Variants in PKHD1 observed in about 807,000 individuals in gnomAD.
The protein encoded by PKHD1 is PKHD1 ciliary IPT domain containing fibrocystin/polyductin, also known as fibrocystin.
PKHD1 carries 291 observed loss-of-function variants against 412.0 expected under a neutral mutation model. That is an observed-to-expected ratio of 0.71 (90% CI 0.64 to 0.78). PKHD1 has a LOEUF of 0.78. Ranked by LOEUF, PKHD1 falls within the 30% of genes least tolerant of loss-of-function variation. PKHD1 has a pLI of 0.00. For synonymous variants in PKHD1, 1,777 were observed against 1,821.5 expected, an observed-to-expected ratio of 0.98 and a Z score of 0.62; for missense variants, 4,825 against 4,950.7, an observed-to-expected ratio of 0.97 and a Z score of 0.76.
At chr6:51,794,819 G>T (rs1794344591) in intron 52 of PKHD1, among the ~76,000 whole-genome samples, 1 of 152,106 alleles carries the variant, frequency 6.6e-6, no homozygotes, top group Non-Finnish European at 1.5e-5. Flanking sequence ...TGTCAAAGAT[G>T]AGATGGTTGT....
chr6:51,902,663 C>G (rs1374903980), intron 43 of PKHD1, among the ~76,000 whole-genome samples: 2 of 152,122 alleles, frequency 1.3e-5, no homozygotes, highest in Non-Finnish European at 2.9e-5. Context: ...TTTCCTGAAA[C>G]AGTGAGGCCC....
intron 61 of PKHD1, among the ~76,000 whole-genome samples, chr6:51,656,291 T>C (rs187375722): frequency 2.8e-4 from 43 of 152,204 alleles, no homozygotes; most frequent in Admixed American, 1.5e-3. Flanking sequence ...AGTTGAATAA[T>C]GACAATACAT....
intron 35 of PKHD1, among the ~76,000 whole-genome samples, chr6:51,978,231 G>C (rs1208717230): frequency 2.0e-5 from 3 of 152,160 alleles, no homozygotes; most frequent in Non-Finnish European, 4.4e-5. Flanking sequence ...AGCCATCTAG[G>C]GGTGAAGGAG....
At chr6:51,958,281 G>A (rs1235347457) in intron 36 of PKHD1, among the ~76,000 whole-genome samples, 2 of 152,082 alleles carry the variant, frequency 1.3e-5, no homozygotes, top group Non-Finnish European at 2.9e-5. Context: ...ACAGGATGAG[G>A]GTTTGCCTTT....
At chr6:52,005,730 C>T (rs1310412700) in intron 35 of PKHD1, among the ~76,000 whole-genome samples, 2 of 152,060 alleles carry the variant, frequency 1.3e-5, no homozygotes, top group Non-Finnish European at 2.9e-5. Flanking sequence ...AAGAGTTCCA[C>T]AGGCAAAGTT....
At chr6:52,058,840 T>G (rs1169426211) in intron 15 of PKHD1, among the ~76,000 whole-genome samples, 1 of 152,096 alleles carries the variant, frequency 6.6e-6, no homozygotes, top group Non-Finnish European at 1.5e-5. Context: ...CAAATGAGAA[T>G]AGATGGGCCA....
intron 43 of PKHD1, among the ~76,000 whole-genome samples, chr6:51,892,226 C>A (rs1229635034): frequency 6.6e-6 from 1 of 152,206 alleles, no homozygotes; most frequent in African/African-American, 2.4e-5. Context: ...CCACAGGGTG[C>A]TCACCAAAAG....
chr6:51,848,903 AT>A lies in PKHD1; in HGVS notation c.7912-934del, dbSNP rs776188796. On this transcript the variant is annotated intron_variant, in intron 49 of 66. Transcript: ENST00000371117. The stretch of plus-strand genomic sequence containing the variant: ...AAATGTACCCACTTTCCTCATGGCC[AT>A]TTTTTTTTTTTTAGTTTTTTTTTTT... Among the ~76,000 whole-genome samples, 780 of 97,948 alleles carry A rather than the reference AT, an allele frequency of 8.0e-3. 4 individuals are homozygous for A. Among genetic ancestry groups the A allele is most frequent in the African/African-American group, 0.024 (604 of 24,916 alleles). The allele number at this position is 97,948 out of a possible 152,430, so 64.3% of individuals were successfully genotyped here.
intron 35 of PKHD1, among the ~76,000 whole-genome samples, chr6:51,982,449 AT>A (rs1795554333): frequency 7.3e-6 from 1 of 137,146 alleles, no homozygotes; most frequent in Admixed American, 7.6e-5. Context: ...GAGACTTTTC[AT>A]TTTGTTCTGT....
Position 51,694,548 on chromosome 6 carries a change from CTTTTTT to C in PKHD1, c.10157-34585_10157-34580del, listed in dbSNP as rs67157925. On this transcript the variant is annotated intron_variant, in intron 60 of 66. Coordinates refer to ENST00000371117, the MANE Select transcript of PKHD1 (RefSeq NM_138694.4). ...ACAGGTGCCCGCCACCACAACCAGC[CTTTTTT>C]TTTTTTTTTTTTTTTTTTTTGGTTG... 8.0e-5 allele frequency among the ~76,000 whole-genome samples: 3 copies of C among 37,690 alleles called. No homozygotes were observed. The South Asian group carries it at 5.1e-3, about 64-fold the overall frequency. 24.7% of individuals were successfully genotyped at this position (37,690 alleles called of 152,430 possible).
intron 53 of PKHD1, among the ~76,000 whole-genome samples, chr6:51,778,471 G>A (rs1042664573): frequency 7.2e-5 from 11 of 152,196 alleles, no homozygotes; most frequent in African/African-American, 2.4e-4. Flanking sequence ...GTTAAATGGC[G>A]AAGTTGGGCC....
At chr6:51,904,100 G>A in intron 41 of PKHD1, 58 bp from the exon 42 acceptor site, 1 of 1,117,326 alleles carries the variant, frequency 8.9e-7, no homozygotes, top group Non-Finnish European at 1.4e-6. Flanking sequence ...GAAAACAAGA[G>A]ATGCTGCAAC....
chr6:51,874,598 G>C (rs1281442552), intron 46 of PKHD1, among the ~76,000 whole-genome samples: 1 of 152,060 alleles, frequency 6.6e-6, no homozygotes, highest in Non-Finnish European at 1.5e-5. Context: ...ATATATGAGT[G>C]GAAAGTCTAA....
intron 35 of PKHD1, among the ~76,000 whole-genome samples, chr6:51,978,448 G>C (rs1450554220): frequency 6.6e-6 from 1 of 152,150 alleles, no homozygotes; most frequent in African/African-American, 2.4e-5. Context: ...GGATGGACTA[G>C]AGGTGAGGAA....
intron 60 of PKHD1, among the ~76,000 whole-genome samples, chr6:51,679,783 C>CA (rs1333398720): frequency 1.3e-5 from 2 of 151,956 alleles, no homozygotes; most frequent in Non-Finnish European, 2.9e-5. Context: ...TATTCAGGAA[C>CA]AAAAAATCTC....
At chr6:51,978,620 G>C (rs1794757846) in intron 35 of PKHD1, among the ~76,000 whole-genome samples, 1 of 152,302 alleles carries the variant, frequency 6.6e-6, no homozygotes, top group African/African-American at 2.4e-5. Flanking sequence ...GAGAAATGCA[G>C]AAAAGAGATG....
chr6:51,648,718 A>T (rs909025074), intron 62 of PKHD1, among the ~76,000 whole-genome samples: 2 of 152,250 alleles, frequency 1.3e-5, no homozygotes, highest in African/African-American at 4.8e-5. Flanking sequence ...ACTGTAATGT[A>T]TCTATAATGT....
chr6:51,830,715 C>A, intron 52 of PKHD1, 146 bp downstream of exon 52: 2 of 724,132 alleles, frequency 2.8e-6, no homozygotes, highest in Non-Finnish European at 2.4e-6. Context: ...CCTACATTAA[C>A]CCCCCCAAAA....
intron 36 of PKHD1, among the ~76,000 whole-genome samples, chr6:51,938,838 T>C (rs1787952112): frequency 6.6e-6 from 1 of 151,634 alleles, no homozygotes; most frequent in African/African-American, 2.4e-5. Context: ...GTAAGCAGCC[T>C]CTTTTTACTC....
Sources: allele counts gnomAD v4.1 joint callset (sites outside exome capture counted in the v4.1 genomes callset), GRCh38; gene constraint gnomAD v4.1.1; transcripts MANE v1.5; gene names NCBI Gene and HGNC (gene_info 2026-07-23, HGNC 2026-07-21).